TNKS1BP1: variants seen among roughly 807,000 people sequenced by gnomAD.
The protein encoded by TNKS1BP1 is CCR4-NOT transcription complex subunit 12.
TNKS1BP1 carries 48 observed loss-of-function variants against 141.1 expected under a neutral mutation model. That is an observed-to-expected ratio of 0.34 (90% CI 0.27 to 0.43). TNKS1BP1 has a LOEUF of 0.43. Ranked by LOEUF, TNKS1BP1 falls within the 20% of genes least tolerant of loss-of-function variation. TNKS1BP1 has a pLI of 1.00. For missense variants in TNKS1BP1, 2,149 were observed against 2,226.0 expected, an observed-to-expected ratio of 0.97 and a Z score of 0.70; for synonymous variants, 875 against 898.2, an observed-to-expected ratio of 0.97 and a Z score of 0.46.
At chr11:57,306,920 T>TGGGGGGGGG (rs1565039405) in intron 6 of TNKS1BP1, among the ~76,000 whole-genome samples, 1 of 31,042 alleles carries the variant, frequency 3.2e-5, no homozygotes, top group Non-Finnish European at 6.3e-5. Context: ...GGGGGTTGGG[T>TGGGGGGGGG]GGGAGGGGGG....
rs1314637311 is a variant in TNKS1BP1, at chr11:57,308,818, G to A, written c.3893C>T (p.Pro1298Leu). The change falls in exon 6 of 12, where the codon CCT (proline) becomes CTT (leucine). Residue 1298 changes from proline to leucine, a missense_variant. By Grantham distance (98) the Pro-to-Leu change is moderately conservative. Coordinates refer to ENST00000358252, the MANE Select transcript of TNKS1BP1 (RefSeq NM_033396.3). ...RNMAPGAVCS[P>L]GESKELGVGQ... is the part of the protein sequence containing the mutation. ...CACCCCAAGCTCTTTGGACTCTCCA[G>A]GACTGCAGACTGCCCCTGGGGCCAT... The A allele has an allele frequency of 6.2e-7, 1 of 1,614,106 alleles. No homozygotes were observed. Among genetic ancestry groups the A allele is most frequent in the Non-Finnish European group, 8.5e-7 (1 of 1,180,032 alleles).
At chr11:57,307,438 T>C (rs1461177990) in intron 6 of TNKS1BP1, among the ~76,000 whole-genome samples, 4 of 151,924 alleles carry the variant, frequency 2.6e-5, no homozygotes, top group Non-Finnish European at 5.9e-5. Flanking sequence ...ACTGGGCCCA[T>C]CTTCCTCTCT....
chr11:57,321,744 TCCCACC>T, intron 2 of TNKS1BP1, 42 bp downstream of exon 2: 1 of 1,039,820 alleles, frequency 9.6e-7, no homozygotes, highest in Non-Finnish European at 1.5e-6. Context: ...CCTCTGTCCT[TCCCACC>T]CCCCTCCCAG....
At chr11:57,307,181 T>G (rs1445802260) in intron 6 of TNKS1BP1, among the ~76,000 whole-genome samples, 2 of 152,018 alleles carry the variant, frequency 1.3e-5, no homozygotes, top group African/African-American at 2.4e-5. Context: ...AAGCCTGGAC[T>G]CTCCCCTGCA....
rs1420752487 is a variant in TNKS1BP1 at position 57,309,427 on chromosome 11, C to T, written c.3284G>A (p.Gly1095Asp). ...GWVGEFSLSVGPQREAAFSPG... is the reference protein window; with the variant it reads ...GWVGEFSLSVDPQREAAFSPG... ...GCTAAATGCTGCCTCTCGCTGGGGG[C>T]CAACACTGAGGCTAAACTCACCGAC... is the stretch of plus-strand genomic sequence containing the variant. The change falls in exon 6 of 12, where the codon GGC (glycine) becomes GAC (aspartate). Residue 1095 changes from glycine to aspartate, a missense_variant. Gly to Asp is a moderately conservative substitution (Grantham distance 94). Transcript: ENST00000358252. This position sits in a 1 kb window ranked among gnomAD's most constrained non-coding sequence, Gnocchi z 4.3. 3 of 1,613,990 alleles carry T rather than the reference C, an allele frequency of 1.9e-6. No homozygotes were observed. The highest frequency in any genetic ancestry group is 2.5e-6 in the Non-Finnish European group (3 of 1,180,046).
chr11:57,301,773 G>A (rs770933673), intron 9 of TNKS1BP1, 34 bp downstream of exon 9: 1 of 1,594,468 alleles, frequency 6.3e-7, no homozygotes, highest in East Asian at 2.3e-5. Context: ...CTGGCCAGAT[G>A]GCTGGACATG....
In TNKS1BP1 at chr11:57,302,058, A is replaced by C; in HGVS notation, c.4834+16T>G. The C allele has an allele frequency of 1.2e-6, 2 of 1,607,490 alleles. No homozygotes were observed. Among genetic ancestry groups the C allele is most frequent in the Non-Finnish European group, 8.5e-7 (1 of 1,174,552 alleles). ...TAGAGATCAAGAGACATCACCAAAT[A>C]ATACATCAGCCCTACCTGTAGAGTC... is the stretch of plus-strand genomic sequence containing the variant. On this transcript the variant is annotated intron_variant, in intron 8 of 11. Transcript: ENST00000358252. The surrounding 1 kb of genome is among the most constrained non-coding windows in gnomAD (Gnocchi z 5.5).
chr11:57,312,859 G>A lies in TNKS1BP1; in HGVS notation c.1829C>T (p.Ala610Val). ...GACTGGCTCCAGGATGGGCAAGGCT[G>A]CCTCCCTGGTAGCCAGGGGGAGAGG... Reference protein sequence around the residue: ...ESPLPLATREAALPILEPVLG... With the variant: ...ESPLPLATREVALPILEPVLG... The change falls in exon 5 of 12, where the codon GCA (alanine) becomes GTA (valine). Residue 610 changes from alanine (A) to valine (V), a missense_variant. Physicochemically the swap from Ala to Val is moderately conservative, Grantham distance 64. Coordinates refer to ENST00000358252, the MANE Select transcript of TNKS1BP1 (RefSeq NM_033396.3). The A allele has an allele frequency of 6.2e-7, 1 of 1,609,508 alleles. No homozygotes were observed. The highest frequency in any genetic ancestry group is 8.5e-7 in the Non-Finnish European group (1 of 1,177,488).
intron 6 of TNKS1BP1, among the ~76,000 whole-genome samples, chr11:57,307,281 A>G (rs1855628130): frequency 6.6e-6 from 1 of 152,052 alleles, no homozygotes; most frequent in African/African-American, 2.4e-5. Context: ...CAGGACCACA[A>G]GGGCCTCCCA....
At chr11:57,319,330 G>T (rs1375713216) in intron 3 of TNKS1BP1, among the ~76,000 whole-genome samples, 6 of 152,080 alleles carry the variant, frequency 3.9e-5, no homozygotes, top group Non-Finnish European at 7.4e-5. Flanking sequence ...ACAAACATCT[G>T]TCTCTGCCTC....
rs750319456 is a variant in TNKS1BP1, at chr11:57,302,366, C to T, written c.4683+93G>A. The T allele has an allele frequency of 4.7e-4, 731 of 1,542,896 alleles. No individual in the cohort carries two copies. The highest frequency in any genetic ancestry group is 6.2e-4 in the Non-Finnish European group (713 of 1,142,898). ...CGCACCTACAACCCGCTTTCTGCCT[C>T]CTGGACTGGGACTGCTCAGGGAAGC... On this transcript the variant is annotated intron_variant, in intron 7 of 11. Coordinates refer to ENST00000358252, the MANE Select transcript of TNKS1BP1 (RefSeq NM_033396.3). This position sits in a 1 kb window ranked among gnomAD's most constrained non-coding sequence, Gnocchi z 5.5.
At chr11:57,323,539 T>C (rs1855917223) in intron 1 of TNKS1BP1, among the ~76,000 whole-genome samples, 1 of 152,182 alleles carries the variant, frequency 6.6e-6, no homozygotes, top group South Asian at 2.1e-4. Context: ...GGACCCCCAG[T>C]GCTCATCCTC....
In TNKS1BP1 at chr11:57,320,214, C is replaced by T. The variant is rs1855862515; in HGVS notation, c.593G>A (p.Gly198Asp). Residue 198 changes from glycine (G) to aspartate (D), a missense_variant, in exon 3 of 12, where the codon GGC (glycine) becomes GAC (aspartate). Physicochemically the swap from Gly to Asp is moderately conservative, Grantham distance 94. Transcript: ENST00000358252. ...TFNHDGSSRY[G>D]PRTYGTTTAP... ...AGTGGTCGTGCCATAGGTCCTGGGG[C>T]CATATCGCGAGCTGCCATCGTGGTT... is the stretch of plus-strand genomic sequence containing the variant. The T allele has an allele frequency of 6.2e-7, 1 of 1,614,108 alleles. No homozygotes were observed. The highest frequency in any genetic ancestry group is 8.5e-7 in the Non-Finnish European group (1 of 1,180,048).
Position 57,313,964 on chromosome 11 carries a change from C to A in TNKS1BP1, c.799-75G>T, listed in dbSNP as rs190203417. The A allele has an allele frequency of 8.6e-5, 118 of 1,378,512 alleles. No individual in the cohort carries two copies. The East Asian group carries it at 3.0e-3, about 35-fold the overall frequency. The allele number at this position is 1,378,512 out of a possible 1,614,324, so 85.4% of individuals were successfully genotyped here. A position where few individuals can be genotyped will look rare whatever the true frequency, so the allele number is the denominator to read the frequency against. ...GGGGAGGGTCCCCTCCGACCCCACA[C>A]AGACCCCAGGTCAGCTTCTCCCAGG... On this transcript the variant is annotated intron_variant, in intron 4 of 11. Transcript: ENST00000358252.
intron 1 of TNKS1BP1, among the ~76,000 whole-genome samples, chr11:57,323,812 T>A (rs1305146369): frequency 1.3e-5 from 2 of 152,196 alleles, no homozygotes. Flanking sequence ...AGGAACATAG[T>A]GTGGGTGGTT....
intron 4 of TNKS1BP1, among the ~76,000 whole-genome samples, chr11:57,314,813 C>G (rs892302689): frequency 1.2e-4 from 18 of 152,146 alleles, no homozygotes; most frequent in African/African-American, 3.6e-4. Flanking sequence ...TGGCCGCCCT[C>G]TCCCATGTCG....
At chr11:57,315,241 G>A (rs971854600) in intron 4 of TNKS1BP1, among the ~76,000 whole-genome samples, 3 of 150,388 alleles carry the variant, frequency 2.0e-5, no homozygotes, top group African/African-American at 7.4e-5. Flanking sequence ...CACCCCCACC[G>A]CCTATCTGAC....
chr11:57,311,459 C>T (rs1032506354), intron 5 of TNKS1BP1: 24 of 985,806 alleles, frequency 2.4e-5, no homozygotes, highest in African/African-American at 7.0e-5. Flanking sequence ...ACCTGTCCGA[C>T]GGCTCTGGCG....
At chr11:57,314,194 T>C (rs928602842) in intron 4 of TNKS1BP1, among the ~76,000 whole-genome samples, 8 of 152,158 alleles carry the variant, frequency 5.3e-5, no homozygotes, top group African/African-American at 1.2e-4. Flanking sequence ...CATGTGAGGA[T>C]CTCCTCAGAG....
Sources: allele counts gnomAD v4.1 joint callset (sites outside exome capture counted in the v4.1 genomes callset), GRCh38; gene constraint gnomAD v4.1.1; non-coding constraint Gnocchi (gnomAD v3.1); transcripts MANE v1.5; gene names NCBI Gene and HGNC (gene_info 2026-07-23, HGNC 2026-07-21).